TLE3: variants seen among roughly 807,000 people sequenced by gnomAD.
TLE3 encodes the protein transducin-like enhancer protein 3.
TLE3 carries 14 observed loss-of-function variants against 93.0 expected under a neutral mutation model. The observed-to-expected ratio is 0.15, with a 90% CI of 0.10 to 0.24. TLE3 has a LOEUF of 0.24. Among genes scored for constraint, TLE3 ranks in the 10% least tolerant of loss-of-function variants. The pLI is 1.00. For missense variants in TLE3, 693 were observed against 1,046.6 expected, an observed-to-expected ratio of 0.66 and a Z score of 4.66; for synonymous variants, 451 against 425.0, an observed-to-expected ratio of 1.06 and a Z score of -0.75.
chr15:70,090,851 A>G (rs1462868339), intron 4 of TLE3, among the ~76,000 whole-genome samples: 1 of 152,242 alleles, frequency 6.6e-6, no homozygotes, highest in African/African-American at 2.4e-5. Flanking sequence ...GTTCAGTGAT[A>G]TGATTATACA....
At chr15:70,053,098 C>A in intron 17 of TLE3, 129 bp downstream of exon 17, 1 of 1,238,142 alleles carries the variant, frequency 8.1e-7, no homozygotes. Flanking sequence ...CCAGATGGCT[C>A]AGGTTGGTCC....
rs540266080 is a variant in TLE3 at position 70,088,742 on chromosome 15, C to T, written c.234+5790G>A. On this transcript the variant is annotated intron_variant, in intron 4 of 19. Coordinates refer to ENST00000451782, the MANE Select transcript of TLE3 (RefSeq NM_001105192.3). ...TGAGAATTAAATATGGGGGAGGGGG[C>T]GGGTCATAACCAGTCATTACAGAAT... Among the ~76,000 whole-genome samples the T allele has an allele frequency of 1.1e-3, 161 of 147,140 alleles. 1 individual carries two copies. Among genetic ancestry groups the T allele is most frequent in the African/African-American group, 3.9e-3 (155 of 39,950 alleles).
rs764776576 is a variant in TLE3, at chr15:70,058,810, G to C, written c.771C>G (p.Pro257=). 2.9e-5 allele frequency: 45 copies of C among 1,578,434 alleles called. No individual in the cohort carries two copies. Among genetic ancestry groups the C allele is most frequent in the Non-Finnish European group, 3.8e-5 (44 of 1,164,784 alleles). ...GTGCCGGGCTGACCCGGGGCGTTGC[G>C]GGGTCCTGAAAACACAAGTGATGCA... The part of the protein sequence containing the change: ...DLVVDVSNED[P]ATPRVSPAHS... The change falls in exon 11 of 20, where the codon CCC becomes CCG. Residue 257 remains proline, a synonymous_variant. Coordinates refer to ENST00000451782, the MANE Select transcript of TLE3 (RefSeq NM_001105192.3). This position sits in a 1 kb window ranked among gnomAD's most constrained non-coding sequence, Gnocchi z 4.1.
Position 70,097,743 on chromosome 15 carries a change from T to C in TLE3, c.-945A>G. The stretch of plus-strand genomic sequence containing the variant: ...CCTTCCCCTCGGCCCGGCTCTCCTC[T>C]CCGCGCCCCGGCAAACCCCCAAAAC... On this transcript the variant is annotated 5_prime_UTR_variant, in exon 1 of 20. Coordinates refer to ENST00000451782, the MANE Select transcript of TLE3 (RefSeq NM_001105192.3). The C allele has an allele frequency of 2.5e-6, 1 of 393,488 alleles. No homozygotes were observed. The highest frequency in any genetic ancestry group is 1.4e-4 in the South Asian group (1 of 7,174). The allele number at this position is 393,488 out of a possible 1,614,324, so 24.4% of individuals were successfully genotyped here.
chr15:70,090,102 A>T (rs942435447), intron 4 of TLE3, among the ~76,000 whole-genome samples: 2 of 152,214 alleles, frequency 1.3e-5, no homozygotes, highest in Non-Finnish European at 2.9e-5. Context: ...CAACTAGAGA[A>T]AAGGGGTCCA....
chr15:70,094,890 G>A (rs1159284174), intron 3 of TLE3: 1 of 307,212 alleles, frequency 3.3e-6, no homozygotes, highest in Non-Finnish European at 6.0e-6. Context: ...TGTGTACACT[G>A]GGACCCTCTT....
Position 70,058,671 on chromosome 15 carries a change from G to T in TLE3, c.910C>A (p.Leu304Ile). ...SSTPSSKTKDLGHNDKSSTPG... is the reference protein window; with the variant it reads ...SSTPSSKTKDIGHNDKSSTPG... ...ACCCAGACCCCACATACATGACCAA[G>T]GTCTTTGGTCTTGGAGGAAGGTGTG... The change falls in exon 11 of 20, where the codon CTT (leucine) becomes ATT (isoleucine). Residue 304 changes from leucine to isoleucine, a missense_variant. By Grantham distance (5) the Leu-to-Ile change is conservative (BLOSUM62 2). Transcript: ENST00000451782. The surrounding 1 kb of genome is among the most constrained non-coding windows in gnomAD (Gnocchi z 4.1). 1 of 1,599,274 alleles carries T rather than the reference G, an allele frequency of 6.3e-7. No individual in the cohort carries two copies. Among genetic ancestry groups the T allele is most frequent in the South Asian group, 1.1e-5 (1 of 88,406 alleles).
intron 16 of TLE3, chr15:70,053,932 A>C (rs766442873): frequency 1.9e-5 from 3 of 158,498 alleles, no homozygotes; most frequent in Non-Finnish European, 4.2e-5. Context: ...TGGGCCAGGC[A>C]CCCGTCTGCC....
Position 70,057,596 on chromosome 15 carries a change from T to A in TLE3, c.1114A>T (p.Ser372Cys). Reference sequence around the variant, plus strand: ...AGGGAGCCGTTCATCTCATGGTGGCTCATCATGGCGAAGGGCGCCGCATAG... The same window carrying A: ...AGGGAGCCGTTCATCTCATGGTGGCACATCATGGCGAAGGGCGCCGCATAG... ...SSYAAPFAMM[S>C]HHEMNGSLTS... Residue 372 changes from serine (S) to cysteine (C), a missense_variant, in exon 13 of 20, where the codon AGC becomes TGC. By Grantham distance (112) the Ser-to-Cys change is moderately radical. This residue lies in a region of TLE3 where 405 missense variants were observed against 468.9 expected (regional missense o/e 0.86). Coordinates refer to ENST00000451782, the MANE Select transcript of TLE3 (RefSeq NM_001105192.3). 1 of 1,596,288 alleles carries A rather than the reference T, an allele frequency of 6.3e-7. No homozygotes were observed. The highest frequency in any genetic ancestry group is 1.3e-5 in the African/African-American group (1 of 74,886).
intron 8 of TLE3, 77 bp downstream of exon 8, chr15:70,064,377 G>A (rs2056682821): frequency 1.2e-5 from 19 of 1,581,294 alleles, no homozygotes; most frequent in Middle Eastern, 2.0e-4. Flanking sequence ...TCTCAGGCCC[G>A]CGATTCTGGG....
rs1188363738 is a variant in TLE3, at chr15:70,054,270, C to T, written c.1826+168G>A. 40 of 964,134 alleles carry T rather than the reference C, an allele frequency of 4.1e-5. No individual in the cohort carries two copies. The South Asian group carries it at 5.1e-4, about 12-fold the overall frequency. The allele number at this position is 964,134 out of a possible 1,614,324, so 59.7% of individuals were successfully genotyped here. A position where few individuals can be genotyped will look rare whatever the true frequency, so the allele number is the denominator to read the frequency against. On this transcript the variant is annotated intron_variant, in intron 16 of 19. Transcript: ENST00000451782. ...CAATGGCCCTCCCTCCTCTGTCCCT[C>T]GCATAAGGCAGGCGGAGCTGTCTTT...
intron 4 of TLE3, chr15:70,079,471 T>C (rs1251750778): frequency 4.2e-6 from 2 of 472,714 alleles, no homozygotes; most frequent in Admixed American, 2.8e-5. Context: ...GAAAGGGACA[T>C]GAAGCAAGCA....
At chr15:70,056,502 G>A (rs777427673) in intron 13 of TLE3, 128 bp from the exon 14 acceptor site, 6 of 777,026 alleles carry the variant, frequency 7.7e-6, no homozygotes, top group Non-Finnish European at 1.3e-5. Flanking sequence ...GAGACAAGCT[G>A]AGCAGAGCAG....
intron 4 of TLE3, among the ~76,000 whole-genome samples, chr15:70,090,230 G>A (rs1345302858): frequency 6.9e-6 from 1 of 145,316 alleles, no homozygotes; most frequent in African/African-American, 2.5e-5. Context: ...GAGGACTCGT[G>A]ATTACAGTCT....
Position 70,049,933 on chromosome 15 carries a change from CTG to C in TLE3, c.*162_*163del, listed in dbSNP as rs1356431119. The C allele has an allele frequency of 1.8e-5, 11 of 604,958 alleles. No individual in the cohort carries two copies. The highest frequency in any genetic ancestry group is 3.0e-5 in the Non-Finnish European group (10 of 337,774). The allele number at this position is 604,958 out of a possible 1,614,324, so 37.5% of individuals were successfully genotyped here. A position where few individuals can be genotyped will look rare whatever the true frequency, so the allele number is the denominator to read the frequency against. Reference sequence around the variant, plus strand: ...ATCAATCCAGGCCCAGGAGTCCAGACTGTGACGGGGCACGTGCCCTCTCAGCC... The same window carrying C: ...ATCAATCCAGGCCCAGGAGTCCAGACTGACGGGGCACGTGCCCTCTCAGCC... On this transcript the variant is annotated 3_prime_UTR_variant, in exon 20 of 20. Transcript: ENST00000451782.
In TLE3 at chr15:70,074,520, G is replaced by A; in HGVS notation, c.372+13C>T. The stretch of plus-strand genomic sequence containing the variant: ...ATACACACGGTAAGAGGCAGATTGG[G>A]GAGTCCACGTACCCCGATGATGGCG... On this transcript the variant is annotated intron_variant, in intron 6 of 19. Transcript: ENST00000451782. The A allele has an allele frequency of 1.2e-6, 2 of 1,609,972 alleles. No individual in the cohort carries two copies. Among genetic ancestry groups the A allele is most frequent in the Non-Finnish European group, 1.7e-6 (2 of 1,178,052 alleles).
intron 4 of TLE3, chr15:70,079,578 T>C: frequency 7.9e-6 from 3 of 380,308 alleles, no homozygotes; most frequent in South Asian, 5.8e-5. Context: ...CTCCCCCATC[T>C]CTACAAAGGC....
intron 8 of TLE3, among the ~76,000 whole-genome samples, chr15:70,062,936 G>A (rs1016037063): frequency 1.3e-5 from 2 of 152,198 alleles, no homozygotes; most frequent in Admixed American, 6.5e-5. Context: ...GGGTTCCCAG[G>A]GGGGGTCTTT....
chr15:70,060,405 G>T lies in TLE3; in HGVS notation c.714+125C>A. ...GCTCTCCTCAATAGGGTCCCCTATC[G>T]CCAACCTGTGCTTCTCTGACTCACT... On this transcript the variant is annotated intron_variant, in intron 9 of 19. Coordinates refer to ENST00000451782, the MANE Select transcript of TLE3 (RefSeq NM_001105192.3). 8.4e-6 allele frequency: 11 copies of T among 1,307,104 alleles called. No homozygotes were observed. The South Asian group carries it at 1.4e-4, about 16-fold the overall frequency. 81.0% of individuals were successfully genotyped at this position (1,307,104 alleles called of 1,614,324 possible).
Sources: gnomAD v4.1 joint callset for allele counts (sites outside exome capture counted in the v4.1 genomes callset) on GRCh38, gnomAD v4.1.1 for gene constraint, gnomAD v4.1.1 regional missense constraint, Gnocchi (gnomAD v3.1) non-coding constraint, MANE v1.5 for transcripts, NCBI Gene and HGNC (gene_info 2026-07-23, HGNC 2026-07-21) for gene names.